GHR: variants seen among roughly 807,000 people sequenced by gnomAD.
GHR encodes the protein GH receptor.
A neutral mutation model predicts 67.1 loss-of-function variants in GHR; 35 were observed. The ratio of observed to expected loss-of-function variants is 0.52; its 90% CI spans 0.40 to 0.69. The LOEUF is 0.69. Ranked by LOEUF, GHR falls within the 30% of genes least tolerant of loss-of-function variation. The pLI is 0.00. For missense variants in GHR, 792 were observed against 764.6 expected, an observed-to-expected ratio of 1.04 and a Z score of -0.42; for synonymous variants, 272 against 269.1, an observed-to-expected ratio of 1.01 and a Z score of -0.10.
At chr5:42,464,809 T>A (rs947069572) in intron 1 of GHR, among the ~76,000 whole-genome samples, 4 of 152,200 alleles carry the variant, frequency 2.6e-5, no homozygotes. Flanking sequence ...TCTATCATTA[T>A]GAGTATCTTC....
intron 1 of GHR, among the ~76,000 whole-genome samples, chr5:42,437,082 A>G (rs532449155): frequency 3.0e-4 from 46 of 152,356 alleles, no homozygotes; most frequent in South Asian, 2.5e-3. Flanking sequence ...TTGGCTCAGA[A>G]TGATATCTAA....
chr5:42,554,163 A>C (rs190659918), intron 1 of GHR, among the ~76,000 whole-genome samples: 2 of 152,316 alleles, frequency 1.3e-5, no homozygotes, highest in East Asian at 3.9e-4. Flanking sequence ...CAATTCATCT[A>C]TGATAAAGCC....
At chr5:42,607,101 T>G (rs972481426) in intron 2 of GHR, among the ~76,000 whole-genome samples, 1 of 152,136 alleles carries the variant, frequency 6.6e-6, no homozygotes. Context: ...TTTGCTCACT[T>G]TCCCTCTCTC....
chr5:42,701,733 G>A (rs1478054790), intron 6 of GHR, among the ~76,000 whole-genome samples: 1 of 152,040 alleles, frequency 6.6e-6, no homozygotes, highest in Admixed American at 6.6e-5. Flanking sequence ...TTTAATATTT[G>A]AAGACTTTTC....
intron 2 of GHR, among the ~76,000 whole-genome samples, chr5:42,580,027 A>G (rs1014520612): frequency 6.6e-6 from 1 of 152,024 alleles, no homozygotes; most frequent in African/African-American, 2.4e-5. Context: ...CAATTTGATT[A>G]TGAGAAACAA....
chr5:42,534,236 GTGTATATA>G (rs1489324913), intron 1 of GHR, among the ~76,000 whole-genome samples: 7 of 113,476 alleles, frequency 6.2e-5, no homozygotes, highest in African/African-American at 2.9e-4. Flanking sequence ...ATGTGTATAT[GTGTATATA>G]TGTATATATG....
chr5:42,716,336 TC>T (rs1252992328), intron 8 of GHR, among the ~76,000 whole-genome samples: 1 of 152,204 alleles, frequency 6.6e-6, no homozygotes, highest in African/African-American at 2.4e-5. Flanking sequence ...ATCATCTGCC[TC>T]CCTGGGAGTC....
chr5:42,518,878 A>G (rs191988105), intron 1 of GHR, among the ~76,000 whole-genome samples: 189 of 152,294 alleles, frequency 1.2e-3, no homozygotes, highest in African/African-American at 4.1e-3. Flanking sequence ...GTCACTTGAA[A>G]TAGAAAAAAA....
chr5:42,424,445 C>A lies in GHR; in HGVS notation c.-12+490C>A. 1 of 659,718 alleles carries A rather than the reference C, an allele frequency of 1.5e-6. No individual in the cohort carries two copies. The highest frequency in any genetic ancestry group is 2.6e-6 in the Non-Finnish European group (1 of 377,730). 40.9% of individuals were successfully genotyped at this position (659,718 alleles called of 1,614,324 possible). A position where few individuals can be genotyped will look rare whatever the true frequency, so the allele number is the denominator to read the frequency against. ...TTGCGCGGGGAAGAATCCCCGGCAG[C>A]GCGACTGGAGAGACTGGGGAGGTCG... On this transcript the variant is annotated intron_variant, in intron 1 of 9. Transcript: ENST00000230882. This position sits in a 1 kb window ranked among gnomAD's most constrained non-coding sequence, Gnocchi z 4.1.
At chr5:42,680,693 C>G (rs892899514) in intron 3 of GHR, among the ~76,000 whole-genome samples, 3 of 151,730 alleles carry the variant, frequency 2.0e-5, no homozygotes, top group Non-Finnish European at 4.4e-5. Flanking sequence ...TTAGTAGAGA[C>G]GGAGTTTCAC....
chr5:42,478,650 T>C (rs1000436585), intron 1 of GHR, among the ~76,000 whole-genome samples: 4 of 152,236 alleles, frequency 2.6e-5, no homozygotes, highest in Non-Finnish European at 4.4e-5. Flanking sequence ...GAAGCAATTG[T>C]GAATGGGAGT....
At chr5:42,552,135 A>G (rs1468592257) in intron 1 of GHR, among the ~76,000 whole-genome samples, 1 of 152,212 alleles carries the variant, frequency 6.6e-6, no homozygotes, top group Non-Finnish European at 1.5e-5. Flanking sequence ...AGGTCATTGA[A>G]TTATAATTTC....
chr5:42,603,892 A>G (rs1752497585), intron 2 of GHR, among the ~76,000 whole-genome samples: 1 of 152,114 alleles, frequency 6.6e-6, no homozygotes, highest in African/African-American at 2.4e-5. Flanking sequence ...TTCCAATGCC[A>G]ATTGCAAACC....
chr5:42,513,392 C>T (rs1747104808), intron 1 of GHR, among the ~76,000 whole-genome samples: 1 of 152,234 alleles, frequency 6.6e-6, no homozygotes, highest in Admixed American at 6.5e-5. Context: ...ATCTTTGTCA[C>T]TTCACAGCTC....
chr5:42,653,651 A>G (rs1187454878), intron 3 of GHR, among the ~76,000 whole-genome samples: 1 of 152,150 alleles, frequency 6.6e-6, no homozygotes, highest in Non-Finnish European at 1.5e-5. Flanking sequence ...GACCACTCAG[A>G]AAATCTTGGT....
chr5:42,558,587 T>A (rs1457213867), intron 1 of GHR, among the ~76,000 whole-genome samples: 10 of 152,226 alleles, frequency 6.6e-5, no homozygotes, highest in Non-Finnish European at 1.3e-4. Flanking sequence ...TTTAGATATG[T>A]CTAGATACAT....
chr5:42,582,885 C>T (rs1011932665), intron 2 of GHR, among the ~76,000 whole-genome samples: 4 of 152,242 alleles, frequency 2.6e-5, no homozygotes, highest in African/African-American at 4.8e-5. Context: ...CACCCCACCA[C>T]GGCAGCTGGT....
In GHR at chr5:42,659,933, A is replaced by G. The variant is rs1755484264; in HGVS notation, c.137-28957A>G. Among the ~76,000 whole-genome samples, 3 of 152,138 alleles carry G rather than the reference A, an allele frequency of 2.0e-5. No homozygotes were observed. The South Asian group carries it at 6.2e-4, about 32-fold the overall frequency. On this transcript the variant is annotated intron_variant, in intron 3 of 9. Transcript: ENST00000230882. ...TACTGCGCTTTTCTGACGGGCTTAA[A>G]AAACGGCGCACCAGGAGATTATATC...
chr5:42,713,683 C>T (rs1005572611), intron 8 of GHR, among the ~76,000 whole-genome samples, 164 bp downstream of exon 8: 1 of 152,156 alleles, frequency 6.6e-6, no homozygotes, highest in Non-Finnish European at 1.5e-5. Context: ...TCATATAAAA[C>T]TCAATTTGTT....
Sources: allele counts gnomAD v4.1 joint callset (sites outside exome capture counted in the v4.1 genomes callset), GRCh38; gene constraint gnomAD v4.1.1; non-coding constraint Gnocchi (gnomAD v3.1); transcripts MANE v1.5; gene names NCBI Gene and HGNC (gene_info 2026-07-23, HGNC 2026-07-21).